The following GFPT1 variants were observed in gnomAD, a reference collection of about 807,000 sequenced individuals.
GFPT1 encodes the protein glutamine--fructose-6-phosphate aminotransferase [isomerizing] 1.
In GFPT1, 40 loss-of-function variants were observed where a neutral mutation model predicts 92.0. The ratio of observed to expected loss-of-function variants is 0.43; its 90% CI spans 0.34 to 0.57. The LOEUF (loss-of-function observed/expected upper bound fraction) is 0.57. Ranked by LOEUF, GFPT1 falls within the 20% of genes least tolerant of loss-of-function variation. The pLI, the probability that GFPT1 is intolerant of heterozygous loss-of-function variation, is 0.02. For synonymous variants in GFPT1, 269 were observed against 280.6 expected (o/e 0.96, Z 0.41); for missense variants, 448 against 869.1 (o/e 0.52, Z 6.09).
intron 2 of GFPT1, among the ~76,000 whole-genome samples, chr2:69,373,270 G>T (rs925578943): frequency 6.6e-6 from 1 of 152,188 alleles, no homozygotes; most frequent in Non-Finnish European, 1.5e-5. Flanking sequence ...GTTGAGGGAA[G>T]GAGCTAGGGT....
intron 1 of GFPT1, among the ~76,000 whole-genome samples, chr2:69,378,272 C>G (rs1481376220): frequency 1.3e-5 from 2 of 152,220 alleles, no homozygotes; most frequent in African/African-American, 4.8e-5. Context: ...TCCCAAAGTG[C>G]TAGGATTACA....
chr2:69,365,766 T>C (rs1456375596), intron 3 of GFPT1, among the ~76,000 whole-genome samples: 1 of 152,160 alleles, frequency 6.6e-6, no homozygotes, highest in Non-Finnish European at 1.5e-5. Context: ...CATTTACCAT[T>C]ATTCAACAGG....
At chr2:69,326,259 A>C in intron 19 of GFPT1, 26 bp from the exon 20 acceptor site, 3 of 1,536,592 alleles carry the variant, frequency 2.0e-6, no homozygotes, top group Non-Finnish European at 2.7e-6. Context: ...AAAAAAAAGC[A>C]AGATTTGAGA....
Position 69,337,857 on chromosome 2 carries a change from T to A in GFPT1, c.1482+41A>T, listed in dbSNP as rs374452687. ...ACAGACTAGTCTGCTTCACTGACAC[T>A]ATGATTAAATAATCATCAGAGAAAT... On this transcript the variant is annotated intron_variant, in intron 15 of 19. Transcript: ENST00000357308. The A allele has an allele frequency of 1.2e-5, 18 of 1,523,298 alleles. No homozygotes were observed. The African/African-American group carries it at 2.3e-4, about 20-fold the overall frequency. The allele number at this position is 1,523,298 out of a possible 1,614,324, so 94.4% of individuals were successfully genotyped here.
chr2:69,359,238 A>T (rs67760762), intron 5 of GFPT1, 30 bp downstream of exon 5: 24 of 1,219,346 alleles, frequency 2.0e-5, no homozygotes, highest in African/African-American at 3.0e-5. Context: ...ATTCTCAAAG[A>T]CTGGGGTCTT....
Position 69,326,109 on chromosome 2 carries a change from T to C in GFPT1, c.*80A>G, listed in dbSNP as rs1332619451. ...TAAAAAAAGGCTTCAAGGGGTGATATTTTAAATCAAGGTTTTAAATACAAA... is the reference window on the plus strand; with the variant it reads ...TAAAAAAAGGCTTCAAGGGGTGATACTTTAAATCAAGGTTTTAAATACAAA... On this transcript the variant is annotated 3_prime_UTR_variant, in exon 20 of 20. Transcript: ENST00000357308. 5.4e-6 allele frequency: 5 copies of C among 918,050 alleles called. No homozygotes were observed. The highest frequency in any genetic ancestry group is 1.9e-5 in the Admixed American group (1 of 51,756). The allele number at this position is 918,050 out of a possible 1,614,324, so 56.9% of individuals were successfully genotyped here.
At chr2:69,350,667 C>A (rs564495604) in intron 9 of GFPT1, among the ~76,000 whole-genome samples, 2 of 151,994 alleles carry the variant, frequency 1.3e-5, no homozygotes, top group African/African-American at 4.8e-5. Context: ...CTTTGGAAGG[C>A]CGAGGCAGGT....
rs971782730 is a variant in GFPT1, at chr2:69,323,474, A to T, written c.*2715T>A. 2 of 152,140 alleles carry T rather than the reference A, an allele frequency of 1.3e-5. No homozygotes were observed. The highest frequency in any genetic ancestry group is 6.6e-5 in the Admixed American group (1 of 15,266). 9.4% of individuals were successfully genotyped at this position (152,140 alleles called of 1,614,324 possible). ...ACTACATCAAATGGGATAGAGAGTA[A>T]GAAGACAGGAGAGAGAGGAGAAACC... On this transcript the variant is annotated 3_prime_UTR_variant, in exon 20 of 20. Coordinates refer to ENST00000357308, the MANE Select transcript of GFPT1 (RefSeq NM_001244710.2).
Position 69,377,706 on chromosome 2 carries a change from A to G in GFPT1, c.8-3593T>C, listed in dbSNP as rs2104695303. Among the ~76,000 whole-genome samples, 2 of 152,192 alleles carry G rather than the reference A, an allele frequency of 1.3e-5. 1 individual carries two copies. On this transcript the variant is annotated intron_variant, in intron 1 of 19. Coordinates refer to ENST00000357308, the MANE Select transcript of GFPT1 (RefSeq NM_001244710.2). ...AACAAAAAAGTAACAGAGCTAGAAG[A>G]AGGAAGGGGATTAGCCTCAGACATA...
At chr2:69,368,584 C>T (rs1421143301) in intron 3 of GFPT1, among the ~76,000 whole-genome samples, 6 of 152,008 alleles carry the variant, frequency 3.9e-5, no homozygotes, top group African/African-American at 1.4e-4. Flanking sequence ...AAAAATTAGC[C>T]GGGCATGATG....
chr2:69,360,634 G>A (rs1044820978), intron 4 of GFPT1, among the ~76,000 whole-genome samples: 6 of 151,776 alleles, frequency 4.0e-5, no homozygotes, highest in Admixed American at 1.3e-4. Context: ...AGAGAGTCTC[G>A]CTATGTTGCC....
intron 3 of GFPT1, among the ~76,000 whole-genome samples, chr2:69,364,847 T>C (rs1671568829): frequency 6.6e-6 from 1 of 151,686 alleles, no homozygotes; most frequent in Non-Finnish European, 1.5e-5. Context: ...CTACAAAAAT[T>C]AGCCGGGTGT....
chr2:69,338,628 T>C, intron 13 of GFPT1, 63 bp from the exon 14 acceptor site: 3 of 1,545,858 alleles, frequency 1.9e-6, no homozygotes, highest in South Asian at 1.1e-5. Flanking sequence ...TCGGACTTCT[T>C]TGGATTCAAT....
chr2:69,346,788 C>T (rs745830925), intron 11 of GFPT1, among the ~76,000 whole-genome samples: 22 of 151,684 alleles, frequency 1.5e-4, no homozygotes, highest in Non-Finnish European at 3.1e-4. Context: ...AAGTGATCAC[C>T]GCAAGATCAC....
chr2:69,357,604 A>C (rs1347079399), intron 6 of GFPT1, among the ~76,000 whole-genome samples: 1 of 152,178 alleles, frequency 6.6e-6, no homozygotes, highest in Non-Finnish European at 1.5e-5. Context: ...CAGATATAAG[A>C]TTTGGGTGCA....
Position 69,359,337 on chromosome 2 carries a change from TA to T in GFPT1, c.350-12del. The T allele has an allele frequency of 1.3e-6, 2 of 1,496,828 alleles. No homozygotes were observed. Among genetic ancestry groups the T allele is most frequent in the Non-Finnish European group, 1.9e-6 (2 of 1,074,842 alleles). 92.7% of individuals were successfully genotyped at this position (1,496,828 alleles called of 1,614,324 possible). ...GAATAACGATAAATTCTAAAAGAGGTAAAAGTGTTGAAGACAAAAAAGTTAG... is the reference window on the plus strand; with the variant it reads ...GAATAACGATAAATTCTAAAAGAGGTAAAGTGTTGAAGACAAAAAAGTTAG... On this transcript the variant is annotated splice_polypyrimidine_tract_variant and intron_variant, in intron 4 of 19. Transcript: ENST00000357308.
rs1193790264 is a variant in GFPT1, at chr2:69,345,761, T to C, written c.1105+143A>G. The C allele has an allele frequency of 6.3e-6, 4 of 630,302 alleles. No homozygotes were observed. The East Asian group carries it at 8.4e-5, about 13-fold the overall frequency. The allele number at this position is 630,302 out of a possible 1,614,324, so 39.0% of individuals were successfully genotyped here. Reference sequence around the variant, plus strand: ...GGTAGAATCACACACTAAAGAACTTTTTCCAAGATGGCTGGGCTCCACTGA... The same window carrying C: ...GGTAGAATCACACACTAAAGAACTTCTTCCAAGATGGCTGGGCTCCACTGA... On this transcript the variant is annotated intron_variant, in intron 12 of 19. Transcript: ENST00000357308.
At chr2:69,372,380 G>A (rs1403773881) in intron 2 of GFPT1, among the ~76,000 whole-genome samples, 1 of 151,992 alleles carries the variant, frequency 6.6e-6, no homozygotes, top group South Asian at 2.1e-4. Context: ...GACCAGCCTA[G>A]GCAACATGGT....
intron 1 of GFPT1, among the ~76,000 whole-genome samples, chr2:69,381,323 T>C (rs1017118275): frequency 6.6e-6 from 1 of 152,160 alleles, no homozygotes; most frequent in African/African-American, 2.4e-5. Flanking sequence ...TTTTAAAATA[T>C]AGAGACAAGG....
Sources: allele counts gnomAD v4.1 joint callset (sites outside exome capture counted in the v4.1 genomes callset), GRCh38; gene constraint gnomAD v4.1.1; transcripts MANE v1.5; gene names NCBI Gene and HGNC (gene_info 2026-07-23, HGNC 2026-07-21).